Variants in AIFM2 observed in about 807,000 individuals in gnomAD.
The protein encoded by AIFM2 is AIF family member 2, ferroptosis suppressor, also known as ferroptosis suppressor protein 1.
In AIFM2, 38 loss-of-function variants were observed where a neutral mutation model predicts 35.7. That is an observed-to-expected ratio of 1.06 (90% confidence interval 0.82 to 1.39). AIFM2 has a LOEUF of 1.39. Among genes scored for constraint, AIFM2 ranks in the 40% most tolerant of loss-of-function variants. The pLI is 0.00. For missense variants in AIFM2, 476 were observed against 491.2 expected, an observed-to-expected ratio of 0.97 and a Z score of 0.29; for synonymous variants, 185 against 203.5, an observed-to-expected ratio of 0.91 and a Z score of 0.77.
chr10:70,122,217 G>C (rs2072517256), intron 3 of AIFM2, among the ~76,000 whole-genome samples: 1 of 152,078 alleles, frequency 6.6e-6, no homozygotes, highest in Non-Finnish European at 1.5e-5. Flanking sequence ...GGGGCTGGAG[G>C]GCCTGGACTC....
intron 3 of AIFM2, 101 bp downstream of exon 3, chr10:70,123,303 GC>G (rs2072529980): frequency 2.0e-6 from 2 of 1,012,180 alleles, no homozygotes; most frequent in African/African-American, 3.2e-5. Context: ...ACAGGTGTGA[GC>G]CACCGCCCCC....
rs11540332 is a variant in AIFM2 at position 70,121,183 on chromosome 10, G to A, written c.323C>T (p.Ala108Val). 1.9e-6 allele frequency: 3 copies of A among 1,596,678 alleles called. No homozygotes were observed. Among genetic ancestry groups the A allele is most frequent in the South Asian group, 2.2e-5 (2 of 90,708 alleles). Residue 108 changes from alanine (A) to valine (V), a missense_variant, in exon 4 of 9, where the codon GCC (alanine) becomes GTC (valine). Coordinates refer to ENST00000307864, the MANE Select transcript of AIFM2 (RefSeq NM_032797.6). ...EALPFSHLIL[A>V]TGSTGPFPGK... Reference sequence around the variant, plus strand: ...CGGGAAGGGCCCAGTGCTGCCCGTGGCCAGGATAAGATGAGAGAAGGGCAG... The same window carrying A: ...CGGGAAGGGCCCAGTGCTGCCCGTGACCAGGATAAGATGAGAGAAGGGCAG...
At position 70,121,223 on chromosome 10, in the gene AIFM2, CAAAAAAAAAAAAAAAAAA is replaced by C. The variant is rs35599207; in HGVS notation, c.295-30_295-13del. On this transcript the variant is annotated splice_polypyrimidine_tract_variant and intron_variant, in intron 3 of 8. Coordinates refer to ENST00000307864, the MANE Select transcript of AIFM2 (RefSeq NM_032797.6). ...GAGAAGGGCAGGGCCTGAGAGAAAC[CAAAAAAAAAAAAAAAAAA>C]AAAAAAAAAAAGATGAGGGTAGGGC... 8 of 665,224 alleles carry C rather than the reference CAAAAAAAAAAAAAAAAAA, an allele frequency of 1.2e-5. No homozygotes were observed. The South Asian group carries it at 1.5e-4, about 12-fold the overall frequency. The allele number at this position is 665,224 out of a possible 1,614,324, so 41.2% of individuals were successfully genotyped here. A position where few individuals can be genotyped will look rare whatever the true frequency, so the allele number is the denominator to read the frequency against.
intron 1 of AIFM2, among the ~76,000 whole-genome samples, chr10:70,125,904 C>T (rs560035853): frequency 8.9e-4 from 135 of 152,316 alleles, no homozygotes; most frequent in African/African-American, 2.9e-3. Context: ...ATAAAGTTGC[C>T]TTTTATCCAA....
chr10:70,130,681 T>C (rs2072618364), intron 1 of AIFM2, among the ~76,000 whole-genome samples: 1 of 152,200 alleles, frequency 6.6e-6, no homozygotes, highest in Admixed American at 6.5e-5. Context: ...TTAGTATATA[T>C]TTAGGTATGG....
At position 70,115,046 on chromosome 10, in the gene AIFM2, C is replaced by A; in HGVS notation, c.844G>T (p.Ala282Ser). 1 of 1,614,208 alleles carries A rather than the reference C, an allele frequency of 6.2e-7. No homozygotes were observed. The highest frequency in any genetic ancestry group is 1.1e-5 in the South Asian group (1 of 91,080). Residue 282 changes from alanine (A) to serine (S), a missense_variant, in exon 8 of 9, where the codon GCC (alanine) becomes TCC (serine). Physicochemically the swap from Ala to Ser is moderately conservative, Grantham distance 99. Coordinates refer to ENST00000307864, the MANE Select transcript of AIFM2 (RefSeq NM_032797.6). ...CTCACGTCGGCACAGTCACCAATGG[C>A]GTAGACGTTGCTGTGGCCCTCCACC... ...LQVEGHSNVY[A>S]IGDCADVRTP...
At chr10:70,123,249 C>CCT (rs2072529137) in intron 3 of AIFM2, among the ~76,000 whole-genome samples, 156 bp downstream of exon 3, 1 of 152,204 alleles carries the variant, frequency 6.6e-6, no homozygotes. Flanking sequence ...AAACTCCTGA[C>CCT]CTCAGGTGAT....
chr10:70,130,432 G>A (rs114100812), intron 1 of AIFM2, among the ~76,000 whole-genome samples: 1 of 152,172 alleles, frequency 6.6e-6, no homozygotes, highest in Non-Finnish European at 1.5e-5. Context: ...TTTTGTTTGC[G>A]ACGTCTTCCA....
At chr10:70,127,447 T>G (rs1230654654) in intron 1 of AIFM2, among the ~76,000 whole-genome samples, 1 of 152,082 alleles carries the variant, frequency 6.6e-6, no homozygotes, top group East Asian at 1.9e-4. Flanking sequence ...AGAGGCCCAG[T>G]GGCAGGAAGG....
Position 70,124,046 on chromosome 10 carries a change from G to C in AIFM2, c.39C>G (p.His13Gln), listed in dbSNP as rs1438864230. The change falls in exon 2 of 9, where the codon CAC (histidine) becomes CAG (glutamine). Residue 13 changes from histidine (H) to glutamine (Q), a missense_variant. Coordinates refer to ENST00000307864, the MANE Select transcript of AIFM2 (RefSeq NM_032797.6). Reference protein sequence around the residue: ...SQVSVESGALHVVIVGGGFGG... With the variant: ...SQVSVESGALQVVIVGGGFGG... ...CAAAGCCCCCACCCACAATCACCAC[G>C]TGCAGAGCTCCCGATTCCACCGAGA... 2 of 1,597,256 alleles carry C rather than the reference G, an allele frequency of 1.3e-6. No individual in the cohort carries two copies. The highest frequency in any genetic ancestry group is 2.2e-5 in the South Asian group (2 of 88,950).
At chr10:70,120,058 A>G (rs1483757735) in intron 5 of AIFM2, among the ~76,000 whole-genome samples, 6 of 152,390 alleles carry the variant, frequency 3.9e-5, no homozygotes, top group South Asian at 4.1e-4. Flanking sequence ...AGGGGCTACC[A>G]TATCAGGCAG....
intron 7 of AIFM2, 34 bp from the exon 8 acceptor site, chr10:70,115,154 T>G: frequency 1.2e-6 from 2 of 1,604,964 alleles, no homozygotes; most frequent in Non-Finnish European, 1.7e-6. Flanking sequence ...ACCAAGACAC[T>G]GAGCTGCTGT....
At position 70,120,938 on chromosome 10, in the gene AIFM2, T is replaced by TCC. The variant is rs1457550703; in HGVS notation, c.414+152_414+153dup. Among the ~76,000 whole-genome samples, 5 of 152,202 alleles carry TCC rather than the reference T, an allele frequency of 3.3e-5. No individual in the cohort carries two copies. In the South Asian group the frequency reaches 1.0e-3, roughly 32 times the overall value. On this transcript the variant is annotated intron_variant, in intron 4 of 8. Transcript: ENST00000307864. ...CTCCAGCAGCAAGTTCAAGGTCTCT[T>TCC]CCCAGGAAAGTCTCTTCCTAGTGAC...
rs1474242527 is a variant in AIFM2 at position 70,132,774 on chromosome 10, C to G, written c.-54G>C. ...GCGCGCTCTCGCTCCGGCTCCCGCT[C>G]CCGCTCCCGCTCCCGCTTGGTCGTC... is the stretch of plus-strand genomic sequence containing the variant. On this transcript the variant is annotated 5_prime_UTR_variant, in exon 1 of 9. Transcript: ENST00000307864. The G allele has an allele frequency of 1.4e-5, 2 of 143,578 alleles. No individual in the cohort carries two copies. The highest frequency in any genetic ancestry group is 3.0e-5 in the Non-Finnish European group (2 of 66,530). 8.9% of individuals were successfully genotyped at this position (143,578 alleles called of 1,614,324 possible).
chr10:70,124,172 G>A (rs1359600132), intron 1 of AIFM2, 75 bp from the exon 2 acceptor site: 2 of 1,169,882 alleles, frequency 1.7e-6, no homozygotes, highest in African/African-American at 1.6e-5. Context: ...AGTGAGAGAG[G>A]CCTCGATCAT....
chr10:70,123,619 G>T, intron 2 of AIFM2, 99 bp from the exon 3 acceptor site: 1 of 1,141,254 alleles, frequency 8.8e-7, no homozygotes, highest in Non-Finnish European at 1.3e-6. Flanking sequence ...ACCAACAGGG[G>T]TGCCCTTGAC....
At chr10:70,126,560 C>T (rs2072568184) in intron 1 of AIFM2, among the ~76,000 whole-genome samples, 1 of 152,190 alleles carries the variant, frequency 6.6e-6, no homozygotes, top group Non-Finnish European at 1.5e-5. Context: ...CTCAATTTAC[C>T]CCCTATAATG....
At position 70,121,028 on chromosome 10, in the gene AIFM2, A is replaced by AG. The variant is rs1323226725; in HGVS notation, c.414+63dup. On this transcript the variant is annotated intron_variant, in intron 4 of 8. Transcript: ENST00000307864. ...CCCGTGGCCTCCCAGCTGCAGGCCT[A>AG]GGCATCCCCAAGGCTGTCCTTCCAT... 90 of 1,570,252 alleles carry AG rather than the reference A, an allele frequency of 5.7e-5. No individual in the cohort carries two copies. In the African/African-American group the frequency reaches 1.1e-3, roughly 19 times the overall value.
intron 1 of AIFM2, among the ~76,000 whole-genome samples, chr10:70,126,044 TG>T (rs945239932): frequency 6.6e-6 from 1 of 152,208 alleles, no homozygotes; most frequent in Non-Finnish European, 1.5e-5. Flanking sequence ...GGGGCTGGCC[TG>T]GGGCTGCACC....
Sources: allele counts gnomAD v4.1 joint callset (sites outside exome capture counted in the v4.1 genomes callset), GRCh38; gene constraint gnomAD v4.1.1; transcripts MANE v1.5; gene names NCBI Gene and HGNC (gene_info 2026-07-23, HGNC 2026-07-21).